The following ASTN2 variants were observed in gnomAD, a reference collection of about 807,000 sequenced individuals.
The protein encoded by ASTN2 is astrotactin-2.
A neutral mutation model predicts 139.8 loss-of-function variants in ASTN2; 54 were observed. The observed-to-expected ratio is 0.39, with a 90% CI of 0.31 to 0.48. The LOEUF (loss-of-function observed/expected upper bound fraction) is 0.48. Among genes scored for constraint, ASTN2 ranks in the 20% least tolerant of loss-of-function variants. The pLI is 0.95. For synonymous variants in ASTN2, 756 were observed against 719.5 expected (o/e 1.05, Z -0.81); for missense variants, 1,565 against 1,725.1 (o/e 0.91, Z 1.64).
chr9:116,666,036 T>A (rs1233783064), intron 16 of ASTN2, among the ~76,000 whole-genome samples: 2 of 152,202 alleles, frequency 1.3e-5, no homozygotes, highest in Non-Finnish European at 2.9e-5. Context: ...AGAGCAGTAA[T>A]AATGACAGAA....
chr9:116,921,216 C>T (rs563401551), intron 10 of ASTN2, among the ~76,000 whole-genome samples: 4 of 152,248 alleles, frequency 2.6e-5, no homozygotes, highest in Non-Finnish European at 4.4e-5. Context: ...AAGGGGGATG[C>T]TCTTAAACCA....
chr9:117,238,748 T>C (rs894041258), intron 2 of ASTN2, among the ~76,000 whole-genome samples: 1 of 152,146 alleles, frequency 6.6e-6, no homozygotes, highest in Non-Finnish European at 1.5e-5. Context: ...GAAACATGAA[T>C]GTTGGTGCCT....
At chr9:116,750,710 A>C (rs1829376074) in intron 13 of ASTN2, among the ~76,000 whole-genome samples, 1 of 152,176 alleles carries the variant, frequency 6.6e-6, no homozygotes, top group Admixed American at 6.5e-5. Flanking sequence ...CTTCTTATTC[A>C]ATTCCAACAG....
At chr9:116,491,502 G>C (rs1278201377) in intron 19 of ASTN2, among the ~76,000 whole-genome samples, 1 of 152,174 alleles carries the variant, frequency 6.6e-6, no homozygotes, top group Non-Finnish European at 1.5e-5. Flanking sequence ...CTCTTAGCTT[G>C]AGGAATGAGA....
chr9:116,689,480 G>C (rs1040622583), intron 16 of ASTN2, among the ~76,000 whole-genome samples: 4 of 152,108 alleles, frequency 2.6e-5, no homozygotes, highest in Non-Finnish European at 5.9e-5. Flanking sequence ...AGGCTCTACT[G>C]TATTCAGTTT....
At chr9:117,085,285 T>C (rs1015823992) in intron 5 of ASTN2, among the ~76,000 whole-genome samples, 2 of 152,234 alleles carry the variant, frequency 1.3e-5, no homozygotes, top group Non-Finnish European at 2.9e-5. Context: ...TTCTTACTTC[T>C]TACTGACAGT....
intron 19 of ASTN2, among the ~76,000 whole-genome samples, chr9:116,512,585 T>G (rs1850444372): frequency 6.6e-6 from 1 of 152,202 alleles, no homozygotes; most frequent in South Asian, 2.1e-4. Context: ...TTGATCTGTC[T>G]AATGTTGACA....
chr9:116,550,399 T>C (rs1171743829), intron 19 of ASTN2, among the ~76,000 whole-genome samples: 2 of 152,222 alleles, frequency 1.3e-5, no homozygotes, highest in African/African-American at 4.8e-5. Flanking sequence ...ATCTGGAACA[T>C]AGTGCCAGCT....
At chr9:116,872,553 T>C (rs1833193763) in intron 10 of ASTN2, among the ~76,000 whole-genome samples, 1 of 152,076 alleles carries the variant, frequency 6.6e-6, no homozygotes, top group Non-Finnish European at 1.5e-5. Context: ...CAGGAATGGA[T>C]GTAACAGAGC....
chr9:116,578,716 C>A (rs60266825), intron 19 of ASTN2, among the ~76,000 whole-genome samples: 3,692 of 150,220 alleles, frequency 0.025, 148 homozygotes, highest in African/African-American at 0.086. Flanking sequence ...GTTTTTCCCC[C>A]AAACTCTACC....
chr9:116,481,596 T>C (rs1052036684), intron 20 of ASTN2, among the ~76,000 whole-genome samples: 2 of 152,146 alleles, frequency 1.3e-5, no homozygotes, highest in African/African-American at 4.8e-5. Flanking sequence ...CTGATAACCC[T>C]TCACACGTGT....
At chr9:117,396,972 C>T (rs1216899747) in intron 1 of ASTN2, among the ~76,000 whole-genome samples, 16 of 140,464 alleles carry the variant, frequency 1.1e-4, no homozygotes, top group African/African-American at 4.0e-4. Flanking sequence ...GGGGGAGTCT[C>T]GCTTTGTCAC....
At chr9:116,776,428 A>G (rs1588283984) in intron 13 of ASTN2, among the ~76,000 whole-genome samples, 1 of 152,176 alleles carries the variant, frequency 6.6e-6, no homozygotes. Context: ...GTGATGGGTT[A>G]CCTGCCTGCA....
intron 17 of ASTN2, among the ~76,000 whole-genome samples, chr9:116,649,196 C>T (rs1857766549): frequency 6.6e-6 from 1 of 152,078 alleles, no homozygotes; most frequent in African/African-American, 2.4e-5. Flanking sequence ...TTTATTGCAT[C>T]TGTATTTATT....
intron 16 of ASTN2, among the ~76,000 whole-genome samples, chr9:116,712,125 C>A (rs896332988): frequency 8.5e-5 from 13 of 152,140 alleles, no homozygotes; most frequent in Admixed American, 3.3e-4. Flanking sequence ...ACTTCCATCC[C>A]CTCTAGAGCT....
At chr9:116,502,843 G>C (rs1026463470) in intron 19 of ASTN2, among the ~76,000 whole-genome samples, 1 of 140,726 alleles carries the variant, frequency 7.1e-6, no homozygotes, top group Admixed American at 7.4e-5. Context: ...GAGGGAGAGA[G>C]GGAAGGAAGG....
rs181317018 is a variant in ASTN2, at chr9:116,569,726, G to T, written c.3355+48598C>A. Among the ~76,000 whole-genome samples the T allele has an allele frequency of 8.9e-4, 136 of 152,306 alleles. 2 individuals are homozygous for T. Among genetic ancestry groups the T allele is most frequent in the African/African-American group, 3.2e-3 (134 of 41,560 alleles). On this transcript the variant is annotated intron_variant, in intron 19 of 22. Transcript: ENST00000313400. Reference sequence around the variant, plus strand: ...ACACCTGGCTCATATGGTAGGCTGCGTGATGATGGAGCCGAGAGCTGAACC... The same window carrying T: ...ACACCTGGCTCATATGGTAGGCTGCTTGATGATGGAGCCGAGAGCTGAACC...
intron 5 of ASTN2, among the ~76,000 whole-genome samples, chr9:117,045,907 C>G (rs919355963): frequency 1.3e-5 from 2 of 151,930 alleles, no homozygotes; most frequent in Non-Finnish European, 2.9e-5. Flanking sequence ...GGTGAAGAAG[C>G]CCAGCAGGTA....
intron 22 of ASTN2, among the ~76,000 whole-genome samples, chr9:116,429,294 G>A (rs977339113): frequency 4.2e-5 from 6 of 143,490 alleles, no homozygotes; most frequent in Non-Finnish European, 7.5e-5. Context: ...AGCCAAGATC[G>A]TGCCATTGCA....
Sources: gnomAD v4.1 joint callset for allele counts (sites outside exome capture counted in the v4.1 genomes callset) on GRCh38, gnomAD v4.1.1 for gene constraint, MANE v1.5 for transcripts, NCBI Gene and HGNC (gene_info 2026-07-23, HGNC 2026-07-21) for gene names.